Variants in PABPC4L observed in about 807,000 individuals in gnomAD.
PABPC4L encodes poly(A) binding protein cytoplasmic 4 like, also known as polyadenylate-binding protein 4-like.
For missense variants in PABPC4L, 452 were observed against 451.4 expected (o/e 1.00, Z -0.01); for synonymous variants, 169 against 164.1 (o/e 1.03, Z -0.23).
the PABPC4L span, among the ~76,000 whole-genome samples, chr4:134,128,098 T>G: frequency 2.6e-5 from 4 of 151,918 alleles, no homozygotes. Flanking sequence ...TGAACCCAAT[T>G]TGACGAAGAC....
the PABPC4L span, among the ~76,000 whole-genome samples, chr4:133,963,385 A>G: frequency 6.6e-6 from 1 of 152,160 alleles, no homozygotes; most frequent in African/African-American, 2.4e-5. Context: ...CAGCAACACA[A>G]TAACAGTGGA....
At chr4:133,958,056 C>G in the PABPC4L span, among the ~76,000 whole-genome samples, 1 of 152,196 alleles carries the variant, frequency 6.6e-6, no homozygotes, top group African/African-American at 2.4e-5. Flanking sequence ...CTCCTCATTA[C>G]TTATGCAAAT....
At chr4:134,149,710 C>A in the PABPC4L span, among the ~76,000 whole-genome samples, 1 of 152,072 alleles carries the variant, frequency 6.6e-6, no homozygotes, top group Admixed American at 6.6e-5. Flanking sequence ...GTCAGGTGTT[C>A]ATAGTCAGAA....
At chr4:134,064,896 G>C in the PABPC4L span, among the ~76,000 whole-genome samples, 1 of 151,980 alleles carries the variant, frequency 6.6e-6, no homozygotes. Flanking sequence ...CTGGCCTCCA[G>C]TTGCATCCAT....
the PABPC4L span, among the ~76,000 whole-genome samples, chr4:134,142,503 C>A: frequency 1.3e-5 from 2 of 151,630 alleles, no homozygotes; most frequent in Non-Finnish European, 3.0e-5. Context: ...GTAAAAATAG[C>A]ACAACTAAAG....
chr4:134,080,697 A>C, the PABPC4L span, among the ~76,000 whole-genome samples: 1 of 152,216 alleles, frequency 6.6e-6, no homozygotes, highest in Non-Finnish European at 1.5e-5. Context: ...TAAAAATTAT[A>C]GGAAGTGACA....
the PABPC4L span, among the ~76,000 whole-genome samples, chr4:133,967,575 G>A: frequency 2.0e-3 from 304 of 152,284 alleles, 1 homozygote; most frequent in African/African-American, 7.0e-3. Context: ...ACTTTAAATA[G>A]AAGAAGAGGA....
the PABPC4L span, among the ~76,000 whole-genome samples, chr4:134,175,590 A>AG: frequency 6.6e-6 from 1 of 152,060 alleles, no homozygotes; most frequent in South Asian, 2.1e-4. Context: ...CTGGGATTAC[A>AG]GGCATGTGCC....
the PABPC4L span, among the ~76,000 whole-genome samples, chr4:134,020,476 T>G: frequency 6.6e-6 from 1 of 152,084 alleles, no homozygotes; most frequent in Non-Finnish European, 1.5e-5. Context: ...GTCTGTTTAG[T>G]AAACATTACT....
At chr4:134,151,622 T>C in the PABPC4L span, among the ~76,000 whole-genome samples, 2 of 152,096 alleles carry the variant, frequency 1.3e-5, no homozygotes, top group Non-Finnish European at 2.9e-5. Flanking sequence ...ATTTAAATAG[T>C]ACATTTCATC....
the PABPC4L span, among the ~76,000 whole-genome samples, chr4:133,998,937 T>A: frequency 6.6e-6 from 1 of 152,010 alleles, no homozygotes; most frequent in Non-Finnish European, 1.5e-5. Context: ...TTTTTTTATT[T>A]TTATAATTTC....
chr4:134,044,897 G>T, the PABPC4L span, among the ~76,000 whole-genome samples: 2 of 152,018 alleles, frequency 1.3e-5, no homozygotes, highest in Admixed American at 6.6e-5. Flanking sequence ...TTAACCTAAA[G>T]AACTAAAGCA....
At chr4:133,968,465 G>A in the PABPC4L span, among the ~76,000 whole-genome samples, 5 of 152,044 alleles carry the variant, frequency 3.3e-5, no homozygotes, top group African/African-American at 9.7e-5. Flanking sequence ...GGACGTCTTG[G>A]GGCTGAATAA....
chr4:134,153,484 GAAA>G, the PABPC4L span, among the ~76,000 whole-genome samples: 2 of 151,968 alleles, frequency 1.3e-5, no homozygotes, highest in African/African-American at 4.8e-5. Flanking sequence ...GTTTGACAGT[GAAA>G]GATTTTATTT....
chr4:134,195,642 C>T (rs2125706420), downstream of PABPC4L, among the ~76,000 whole-genome samples: 3 of 151,768 alleles, frequency 2.0e-5, no homozygotes, highest in South Asian at 6.2e-4. Flanking sequence ...GTTTTCTCTA[C>T]TACAGTTAAG....
chr4:134,181,943 C>T, the PABPC4L span, among the ~76,000 whole-genome samples: 3 of 150,228 alleles, frequency 2.0e-5, no homozygotes, highest in African/African-American at 4.9e-5. Flanking sequence ...ATGCCCAAAG[C>T]AATTGACATA....
At chr4:134,175,975 A>G in the PABPC4L span, among the ~76,000 whole-genome samples, 2 of 152,174 alleles carry the variant, frequency 1.3e-5, no homozygotes, top group African/African-American at 4.8e-5. Flanking sequence ...AAGAATATAA[A>G]GCTTTTACAA....
chr4:134,053,413 A>G, the PABPC4L span, among the ~76,000 whole-genome samples: 2 of 152,112 alleles, frequency 1.3e-5, no homozygotes, highest in South Asian at 2.1e-4. Flanking sequence ...AGTGGATGCA[A>G]TGACTTCTTC....
chr4:134,000,845 T>C, the PABPC4L span, among the ~76,000 whole-genome samples: 2 of 152,226 alleles, frequency 1.3e-5, no homozygotes, highest in Non-Finnish European at 1.5e-5. Context: ...GACTGGAACA[T>C]ACACCATCAG....
Sources: gnomAD v4.1 joint callset for allele counts (sites outside exome capture counted in the v4.1 genomes callset) on GRCh38, gnomAD v4.1.1 for gene constraint, MANE v1.5 for transcripts, NCBI Gene and HGNC (gene_info 2026-07-23, HGNC 2026-07-21) for gene names.